DGKI: variants seen among roughly 807,000 people sequenced by gnomAD.
DGKI encodes the protein diacylglycerol kinase iota.
Under a neutral mutation model 147.5 loss-of-function variants are expected in DGKI, and 55 were observed. The ratio of observed to expected loss-of-function variants is 0.37; its 90% CI spans 0.30 to 0.47. The LOEUF is 0.47. Among genes scored for constraint, DGKI ranks in the 20% least tolerant of loss-of-function variants. The pLI is 1.00. For synonymous variants in DGKI, 469 were observed against 477.1 expected, an observed-to-expected ratio of 0.98 and a Z score of 0.22; for missense variants, 1,007 against 1,323.8, an observed-to-expected ratio of 0.76 and a Z score of 3.71.
intron 19 of DGKI, among the ~76,000 whole-genome samples, chr7:137,559,787 T>C (rs1429517238): frequency 1.3e-5 from 2 of 152,128 alleles, no homozygotes. Flanking sequence ...GTATTCATGA[T>C]GCGGTTTGAG....
chr7:137,564,300 C>T (rs1818511255), intron 19 of DGKI, among the ~76,000 whole-genome samples: 1 of 152,044 alleles, frequency 6.6e-6, no homozygotes, highest in Non-Finnish European at 1.5e-5. Context: ...GGAGAATGGC[C>T]TCCCAATCTT....
intron 6 of DGKI, among the ~76,000 whole-genome samples, chr7:137,625,956 A>G (rs1240214627): frequency 1.3e-5 from 2 of 152,102 alleles, no homozygotes; most frequent in Non-Finnish European, 2.9e-5. Flanking sequence ...AAAGGCCTCA[A>G]TAAAAACCCT....
At chr7:137,727,822 C>T (rs1256141131) in intron 1 of DGKI, among the ~76,000 whole-genome samples, 4 of 152,048 alleles carry the variant, frequency 2.6e-5, no homozygotes, top group African/African-American at 7.2e-5. Context: ...GCTTGTGGTC[C>T]GAATTAAGAA....
At position 137,395,366 on chromosome 7, in the gene DGKI, C is replaced by T. The variant is rs545762371; in HGVS notation, c.3057+232G>A. Among the ~76,000 whole-genome samples the T allele has an allele frequency of 1.6e-4, 25 of 152,336 alleles. No individual in the cohort carries two copies. In the South Asian group the frequency reaches 2.3e-3, roughly 14 times the overall value. On this transcript the variant is annotated intron_variant, in intron 32 of 32. Coordinates refer to ENST00000614521, the MANE Select transcript of DGKI (RefSeq NM_001321708.2). ...GACAACCCCAAAGTCCCAAGGTCAA[C>T]GTGTTCAGAGGTTTATAAAGCCCCA...
chr7:137,748,702 C>T (rs1355095214), intron 1 of DGKI, among the ~76,000 whole-genome samples: 1 of 152,166 alleles, frequency 6.6e-6, no homozygotes, highest in Non-Finnish European at 1.5e-5. Flanking sequence ...ATATACCCTT[C>T]ATATACTATC....
At chr7:137,686,163 A>G (rs761987863) in intron 2 of DGKI, among the ~76,000 whole-genome samples, 37 of 152,258 alleles carry the variant, frequency 2.4e-4, no homozygotes, top group Non-Finnish European at 4.1e-4. Flanking sequence ...TAAGGTTTGT[A>G]AGACAATGCA....
At chr7:137,759,770 A>G (rs1795799901) in intron 1 of DGKI, among the ~76,000 whole-genome samples, 2 of 152,212 alleles carry the variant, frequency 1.3e-5, no homozygotes, top group Admixed American at 6.5e-5. Context: ...GTTTACACCA[A>G]GATGAACTCA....
chr7:137,714,702 A>T (rs1794324485), intron 1 of DGKI, among the ~76,000 whole-genome samples: 1 of 152,208 alleles, frequency 6.6e-6, no homozygotes, highest in Non-Finnish European at 1.5e-5. Flanking sequence ...GCAATAAGAC[A>T]TCTTACTGAA....
In DGKI at chr7:137,448,300, C is replaced by CAAAAAAAAAAAAAAAAAA. The variant is rs35613517; in HGVS notation, c.2736-4216_2736-4199dup. Among the ~76,000 whole-genome samples the CAAAAAAAAAAAAAAAAAA allele has an allele frequency of 2.5e-5, 2 of 79,962 alleles. 1 individual carries two copies. The allele number at this position is 79,962 out of a possible 152,430, so 52.5% of individuals were successfully genotyped here. A position where few individuals can be genotyped will look rare whatever the true frequency, so the allele number is the denominator to read the frequency against. On this transcript the variant is annotated intron_variant, in intron 27 of 32. Coordinates refer to ENST00000614521, the MANE Select transcript of DGKI (RefSeq NM_001321708.2). ...GACCATCCATCCCAAACTAGAAGCT[C>CAAAAAAAAAAAAAAAAAA]AAAAAAAAAAAAAAAAAAACTCACC...
chr7:137,765,159 C>G (rs1795976937), intron 1 of DGKI, among the ~76,000 whole-genome samples: 1 of 152,186 alleles, frequency 6.6e-6, no homozygotes, highest in Non-Finnish European at 1.5e-5. Flanking sequence ...CATTAACGTT[C>G]CATTAATGCA....
chr7:137,391,432 A>T lies in DGKI; in HGVS notation c.3058-96T>A, dbSNP rs977099331. 1.2e-5 allele frequency: 10 copies of T among 857,676 alleles called. No homozygotes were observed. In the Admixed American group the frequency reaches 1.5e-4, roughly 13 times the overall value. 53.1% of individuals were successfully genotyped at this position (857,676 alleles called of 1,614,324 possible). On this transcript the variant is annotated intron_variant, in intron 32 of 32. Transcript: ENST00000614521. Reference sequence around the variant, plus strand: ...AAACAAAAAACAAAACAAAACAAAAATCACAGAAACAGAACTACGCAAGGA... The same window carrying T: ...AAACAAAAAACAAAACAAAACAAAATTCACAGAAACAGAACTACGCAAGGA...
intron 1 of DGKI, among the ~76,000 whole-genome samples, chr7:137,694,531 T>C (rs981616445): frequency 2.6e-5 from 4 of 152,148 alleles, no homozygotes; most frequent in Non-Finnish European, 5.9e-5. Context: ...GGATTCTTCT[T>C]GCAGAGCAGA....
rs150490727 is a variant in DGKI, at chr7:137,485,424, G to A, written c.2329-6C>T. On this transcript the variant is annotated splice_region_variant and splice_polypyrimidine_tract_variant and intron_variant, in intron 22 of 32. Transcript: ENST00000614521. ...GAAGAAACTGACTGTAGGTCCTAAT[G>A]AGAAAATGAAAAAAAAAATCCATAC... The A allele has an allele frequency of 2.8e-4, 443 of 1,598,736 alleles. 2 individuals are homozygous for A. In the African/African-American group the frequency reaches 5.4e-3, roughly 19 times the overall value.
At chr7:137,586,797 C>T (rs10245413) in intron 13 of DGKI, among the ~76,000 whole-genome samples, 7,354 of 152,258 alleles carry the variant, frequency 0.048, 417 homozygotes, top group African/African-American at 0.13. Flanking sequence ...TCCTTTTGCA[C>T]GCAGACTTGA....
chr7:137,664,869 G>A (rs775418494), intron 3 of DGKI, among the ~76,000 whole-genome samples: 1 of 152,164 alleles, frequency 6.6e-6, no homozygotes, highest in Non-Finnish European at 1.5e-5. Context: ...GAGAAAGGGA[G>A]ATAAGAAACA....
At chr7:137,738,471 T>A (rs1212181585) in intron 1 of DGKI, among the ~76,000 whole-genome samples, 1 of 152,152 alleles carries the variant, frequency 6.6e-6, no homozygotes, top group East Asian at 1.9e-4. Context: ...TTCACAATGG[T>A]ATGGTGATAT....
At chr7:137,496,309 A>G (rs1315384120) in intron 21 of DGKI, among the ~76,000 whole-genome samples, 1 of 152,144 alleles carries the variant, frequency 6.6e-6, no homozygotes, top group African/African-American at 2.4e-5. Context: ...GAAATTAGAG[A>G]TGACACAAAC....
At chr7:137,686,995 T>G (rs117658379) in intron 2 of DGKI, among the ~76,000 whole-genome samples, 1 of 152,110 alleles carries the variant, frequency 6.6e-6, no homozygotes, top group East Asian at 1.9e-4. Context: ...TCCTTACAGA[T>G]GAAGGAAGAA....
At chr7:137,391,378 T>G (rs201804810) in intron 32 of DGKI, 42 bp from the exon 33 acceptor site, 84 of 1,314,664 alleles carry the variant, frequency 6.4e-5, no homozygotes, top group East Asian at 3.4e-4. Flanking sequence ...GAGAGAGAGA[T>G]AGACACAAGC....
Sources: gnomAD v4.1 joint callset for allele counts (sites outside exome capture counted in the v4.1 genomes callset) on GRCh38, gnomAD v4.1.1 for gene constraint, MANE v1.5 for transcripts, NCBI Gene and HGNC (gene_info 2026-07-23, HGNC 2026-07-21) for gene names.